CENPS: variants seen among roughly 807,000 people sequenced by gnomAD.
CENPS encodes centromere protein S.
CENPS carries 16 observed loss-of-function variants against 17.9 expected under a neutral mutation model. That is an observed-to-expected ratio of 0.90 (90% confidence interval 0.61 to 1.36). The LOEUF (loss-of-function observed/expected upper bound fraction) is 1.36. Ranked by LOEUF, CENPS falls within the 40% of genes most tolerant of loss-of-function variation. The pLI is 0.00. For synonymous variants in CENPS, 49 were observed against 55.8 expected (o/e 0.88, Z 0.54); for missense variants, 160 against 158.6 (o/e 1.01, Z -0.05).
chr1:10,438,003 C>G (rs1640245545), intron 3 of CENPS, among the ~76,000 whole-genome samples: 1 of 152,138 alleles, frequency 6.6e-6, no homozygotes, highest in African/African-American at 2.4e-5. Context: ...CTCAGGTGAT[C>G]CGCCTGCCTC....
intron 3 of CENPS, among the ~76,000 whole-genome samples, chr1:10,437,041 A>G (rs1443584094): frequency 6.6e-6 from 1 of 152,216 alleles, no homozygotes; most frequent in African/African-American, 2.4e-5. Flanking sequence ...CCCCAGTTTG[A>G]GAAAGATGGA....
At chr1:10,441,620 C>CT (rs34369229) in intron 4 of CENPS, among the ~76,000 whole-genome samples, 6,454 of 48,344 alleles carry the variant, frequency 0.13, 886 homozygotes, top group Non-Finnish European at 0.17. Flanking sequence ...GGCTACAACT[C>CT]TTTTTTTTTT....
At chr1:10,440,861 C>G (rs901195707) in intron 4 of CENPS, among the ~76,000 whole-genome samples, 2 of 142,436 alleles carry the variant, frequency 1.4e-5, no homozygotes, top group Non-Finnish European at 3.2e-5. Context: ...CTCCGTTGTT[C>G]AGGTGAAGAC....
intron 4 of CENPS, among the ~76,000 whole-genome samples, chr1:10,441,461 C>G (rs1488037181): frequency 1.3e-5 from 2 of 151,274 alleles, no homozygotes; most frequent in East Asian, 3.9e-4. Context: ...ACTACAGGTG[C>G]ATGCCACCAC....
In CENPS at chr1:10,442,407, G is replaced by A. The variant is rs756825633; in HGVS notation, c.*2G>A. 1 of 1,569,088 alleles carries A rather than the reference G, an allele frequency of 6.4e-7. No homozygotes were observed. The highest frequency in any genetic ancestry group is 2.3e-5 in the East Asian group (1 of 43,412). On this transcript the variant is annotated 3_prime_UTR_variant, in exon 5 of 5. Coordinates refer to ENST00000309048, the MANE Select transcript of CENPS (RefSeq NM_199294.3). ...GGAGTGGTGGAAAGTGAGAATTAAA[G>A]TCCCTCGCCGCTTGGAAAGTGCAGC... is the stretch of plus-strand genomic sequence containing the variant.
chr1:10,431,897 A>G (rs973451536), intron 1 of CENPS, among the ~76,000 whole-genome samples: 2 of 151,446 alleles, frequency 1.3e-5, no homozygotes, highest in African/African-American at 2.4e-5. Flanking sequence ...CATCATTTCA[A>G]TAAATTGTCC....
chr1:10,432,828 G>A (rs1430249296), intron 1 of CENPS, among the ~76,000 whole-genome samples: 1 of 152,174 alleles, frequency 6.6e-6, no homozygotes, highest in Non-Finnish European at 1.5e-5. Flanking sequence ...CCAGGAGTTC[G>A]AGGCTGTAGT....
Position 10,433,842 on chromosome 1 carries a change from A to G in CENPS, c.52A>G (p.Arg18Gly), listed in dbSNP as rs1405650078. The G allele has an allele frequency of 6.2e-7, 1 of 1,613,972 alleles. No homozygotes were observed. The highest frequency in any genetic ancestry group is 2.2e-5 in the East Asian group (1 of 44,876). The change falls in exon 2 of 5, where the codon AGG (arginine) becomes GGG (glycine). Residue 18 changes from arginine (R) to glycine (G), a missense_variant and splice_region_variant. Transcript: ENST00000309048. The stretch of plus-strand genomic sequence containing the variant: ...GAAATATTTTGATGTTTTTCCCCAG[A>G]GGCTAAAGGCAGCAGTTCACTATAC... ...EEQQRFSYQQ[R>G]LKAAVHYTVG...
At chr1:10,430,622 G>A in intron 1 of CENPS, 54 bp downstream of exon 1, 3 of 1,515,934 alleles carry the variant, frequency 2.0e-6, no homozygotes, top group Non-Finnish European at 2.7e-6. Context: ...TCGAGTTTCT[G>A]GACAGAAAAG....
chr1:10,436,865 C>T (rs1640188935), intron 3 of CENPS, among the ~76,000 whole-genome samples: 1 of 152,160 alleles, frequency 6.6e-6, no homozygotes, highest in Non-Finnish European at 1.5e-5. Flanking sequence ...CCCACAAGTA[C>T]AGGTTTCCTT....
At chr1:10,434,636 T>C in intron 2 of CENPS, 21 bp from the exon 3 acceptor site, 1 of 1,603,090 alleles carries the variant, frequency 6.2e-7, no homozygotes, top group African/African-American at 1.4e-5. Flanking sequence ...CTAAAGTGTG[T>C]ATCTTTTTTT....
intron 3 of CENPS, among the ~76,000 whole-genome samples, chr1:10,437,481 G>A (rs1332644290): frequency 1.6e-5 from 1 of 60,818 alleles, no homozygotes; most frequent in Non-Finnish European, 3.5e-5. Flanking sequence ...TTTTTAGATG[G>A]AGTCTCACTC....
chr1:10,440,553 G>A, intron 4 of CENPS, 140 bp downstream of exon 4: 1 of 1,105,230 alleles, frequency 9.0e-7, no homozygotes, highest in Non-Finnish European at 1.2e-6. Context: ...AGACCTGCCT[G>A]TAATTTACAG....
intron 3 of CENPS, among the ~76,000 whole-genome samples, chr1:10,437,437 C>T (rs1412814123): frequency 6.9e-6 from 1 of 145,842 alleles, no homozygotes; most frequent in Non-Finnish European, 1.5e-5. Context: ...AACTTGAGAG[C>T]AGGGGCTGTT....
chr1:10,430,696 C>T (rs1639864598), intron 1 of CENPS, 128 bp downstream of exon 1: 1 of 1,383,870 alleles, frequency 7.2e-7, no homozygotes. Context: ...CGCGGCTGCG[C>T]ATGCGTTGGC....
At chr1:10,433,201 C>T (rs1032774964) in intron 1 of CENPS, among the ~76,000 whole-genome samples, 1 of 152,156 alleles carries the variant, frequency 6.6e-6, no homozygotes, top group African/African-American at 2.4e-5. Context: ...GAGGCTCATC[C>T]TCCCCTCTCG....
At chr1:10,436,430 C>T (rs1299729942) in intron 3 of CENPS, among the ~76,000 whole-genome samples, 5 of 150,678 alleles carry the variant, frequency 3.3e-5, no homozygotes, top group Admixed American at 6.6e-5. Context: ...GGCCGGGCGC[C>T]GTGGCTCACG....
intron 1 of CENPS, chr1:10,430,930 T>C: frequency 8.0e-7 from 1 of 1,246,962 alleles, no homozygotes; most frequent in East Asian, 4.1e-5. Context: ...GTGACGCCCG[T>C]ACGCGGTGGG....
intron 3 of CENPS, among the ~76,000 whole-genome samples, chr1:10,437,631 G>A (rs190141299): frequency 1.1e-4 from 16 of 151,212 alleles, no homozygotes; most frequent in Admixed American, 9.9e-4. Context: ...TAATTTTTGT[G>A]TTTTTAGTAA....
Sources: allele counts gnomAD v4.1 joint callset (sites outside exome capture counted in the v4.1 genomes callset), GRCh38; gene constraint gnomAD v4.1.1; transcripts MANE v1.5; gene names NCBI Gene and HGNC (gene_info 2026-07-23, HGNC 2026-07-21).